CNTN4: variants seen among roughly 807,000 people sequenced by gnomAD.
CNTN4 encodes contactin 4.
Under a neutral mutation model 122.5 loss-of-function variants are expected in CNTN4, and 77 were observed. That is an observed-to-expected ratio of 0.63 (90% CI 0.52 to 0.76). The LOEUF (loss-of-function observed/expected upper bound fraction) is 0.76. Ranked by LOEUF, CNTN4 falls within the 30% of genes least tolerant of loss-of-function variation. The probability of loss-of-function intolerance (pLI) is 0.00; values close to 1 mark genes in which losing one functional copy is unlikely to be tolerated. For missense variants in CNTN4, 1,256 were observed against 1,259.1 expected (o/e 1.00, Z 0.04); for synonymous variants, 512 against 447.0 (o/e 1.15, Z -1.83).
intron 2 of CNTN4, among the ~76,000 whole-genome samples, chr3:2,118,511 C>T (rs1055257028): frequency 6.6e-6 from 1 of 152,136 alleles, no homozygotes; most frequent in Non-Finnish European, 1.5e-5. Flanking sequence ...CAAATATTTG[C>T]ATATGAATGT....
chr3:2,509,515 C>A (rs536582990), intron 3 of CNTN4, among the ~76,000 whole-genome samples: 19 of 152,212 alleles, frequency 1.2e-4, no homozygotes, highest in African/African-American at 3.1e-4. Flanking sequence ...ATATCATTAC[C>A]ATTAACTATT....
chr3:2,925,639 A>G lies in CNTN4; in HGVS notation c.1218A>G (p.Pro406=), dbSNP rs1033799414. 6.2e-7 allele frequency: 1 copy of G among 1,614,042 alleles called. No individual in the cohort carries two copies. The highest frequency in any genetic ancestry group is 1.1e-5 in the South Asian group (1 of 91,074). ...TGTACTGTCTTTCAGCTGTAGGTCCAGATTTTTCAAGAACACTCTTGAAAA... is the reference window on the plus strand; with the variant it reads ...TGTACTGTCTTTCAGCTGTAGGTCCGGATTTTTCAAGAACACTCTTGAAAA... ...NAELSVIAVG[P]DFSRTLLKRV... is the part of the protein sequence containing the mutation. The change falls in exon 13 of 25, where the codon CCA becomes CCG. Residue 406 remains proline (P), a synonymous_variant. Transcript: ENST00000418658.
In CNTN4 at chr3:2,867,159, G is replaced by A. The variant is rs1250620297; in HGVS notation, c.652+210G>A. Among the ~76,000 whole-genome samples, 2 of 152,132 alleles carry A rather than the reference G, an allele frequency of 1.3e-5. 1 individual carries two copies. Among genetic ancestry groups the A allele is most frequent in the Non-Finnish European group, 2.9e-5 (2 of 68,028 alleles). ...TGGAAAACTAATTAGAAATCTAATTGCTAATCTCAACAGGAATAGAATGAG... is the reference window on the plus strand; with the variant it reads ...TGGAAAACTAATTAGAAATCTAATTACTAATCTCAACAGGAATAGAATGAG... On this transcript the variant is annotated intron_variant, in intron 8 of 24. Transcript: ENST00000418658.
intron 4 of CNTN4, among the ~76,000 whole-genome samples, chr3:2,607,207 TGTA>T (rs1448271626): frequency 6.6e-6 from 1 of 152,206 alleles, no homozygotes; most frequent in African/African-American, 2.4e-5. Flanking sequence ...TAGAAATTAT[TGTA>T]GTCATATTGC....
chr3:2,655,626 C>T (rs1157392376), intron 4 of CNTN4, among the ~76,000 whole-genome samples: 1 of 152,148 alleles, frequency 6.6e-6, no homozygotes, highest in Non-Finnish European at 1.5e-5. Context: ...GTCATTGAGT[C>T]ATCTGAAAGT....
At chr3:2,782,245 A>G (rs931546246) in intron 6 of CNTN4, among the ~76,000 whole-genome samples, 1 of 151,674 alleles carries the variant, frequency 6.6e-6, no homozygotes, top group African/African-American at 2.4e-5. Flanking sequence ...CTTTCAGGTT[A>G]CGTTTTAAGA....
At chr3:2,962,214 C>T (rs912075011) in intron 13 of CNTN4, among the ~76,000 whole-genome samples, 85 of 152,128 alleles carry the variant, frequency 5.6e-4, no homozygotes, top group African/African-American at 2.0e-3. Context: ...GAATTATGCC[C>T]CTTAGGGAAT....
chr3:2,309,322 A>C (rs1575336451), intron 2 of CNTN4, among the ~76,000 whole-genome samples: 1 of 152,172 alleles, frequency 6.6e-6, no homozygotes, highest in Admixed American at 6.5e-5. Flanking sequence ...CTGTCTTTTA[A>C]CTTTCAGCCT....
intron 4 of CNTN4, among the ~76,000 whole-genome samples, chr3:2,611,422 G>A (rs1477919731): frequency 1.3e-5 from 2 of 152,000 alleles, no homozygotes; most frequent in Non-Finnish European, 2.9e-5. Flanking sequence ...GACAGGTAAA[G>A]TTGATGGGCC....
At chr3:2,262,677 G>T (rs2040883890) in intron 2 of CNTN4, among the ~76,000 whole-genome samples, 1 of 150,118 alleles carries the variant, frequency 6.7e-6, no homozygotes. Context: ...ACTGTTACTG[G>T]TAACTATCCT....
chr3:2,253,097 C>G (rs938938843), intron 2 of CNTN4, among the ~76,000 whole-genome samples: 2 of 151,798 alleles, frequency 1.3e-5, no homozygotes, highest in African/African-American at 2.4e-5. Context: ...TTCCTGCAAT[C>G]TAGAATTAGT....
At chr3:2,583,068 C>T (rs1433088104) in intron 4 of CNTN4, among the ~76,000 whole-genome samples, 1 of 152,118 alleles carries the variant, frequency 6.6e-6, no homozygotes, top group African/African-American at 2.4e-5. Flanking sequence ...ATATTGTTTC[C>T]ACATGCGTGA....
rs75028989 is a variant in CNTN4 at position 2,498,487 on chromosome 3, T to C, written c.-88-72929T>C. 8.6e-3 allele frequency among the ~76,000 whole-genome samples: 1,253 copies of C among 146,044 alleles called. 19 individuals are homozygous for C. The highest frequency in any genetic ancestry group is 0.029 in the African/African-American group (1,178 of 41,194). On this transcript the variant is annotated intron_variant, in intron 3 of 24. Coordinates refer to ENST00000418658, the MANE Select transcript of CNTN4 (RefSeq NM_175607.3). ...CCATTCTTTTTGTTGTTGTCGTTGT[T>C]GTTGTTGGAGACAGGATCTCGCTTT... is the stretch of plus-strand genomic sequence containing the variant.
At chr3:2,866,730 A>G in intron 7 of CNTN4, 22 bp from the exon 8 acceptor site, 1 of 1,602,368 alleles carries the variant, frequency 6.2e-7, no homozygotes, top group Non-Finnish European at 8.6e-7. Flanking sequence ...CATATTTGTA[A>G]TGAAGATTTT....
intron 3 of CNTN4, among the ~76,000 whole-genome samples, chr3:2,419,257 G>T (rs2047529211): frequency 6.6e-6 from 1 of 152,000 alleles, no homozygotes; most frequent in East Asian, 1.9e-4. Flanking sequence ...AATGAATATA[G>T]GTAACATTCC....
At chr3:2,239,306 T>C (rs1052768718) in intron 2 of CNTN4, among the ~76,000 whole-genome samples, 2 of 152,222 alleles carry the variant, frequency 1.3e-5, no homozygotes, top group Admixed American at 1.3e-4. Flanking sequence ...AAAGGATTAC[T>C]GACCATTTAA....
At chr3:2,900,924 A>T (rs2094165997) in intron 11 of CNTN4, 103 bp downstream of exon 11, 1 of 1,417,124 alleles carries the variant, frequency 7.1e-7, no homozygotes, top group Non-Finnish European at 9.9e-7. Context: ...CTAAAATAAT[A>T]TGCAATGAAA....
intron 3 of CNTN4, among the ~76,000 whole-genome samples, chr3:2,437,554 G>T (rs2048299360): frequency 6.6e-6 from 1 of 151,978 alleles, no homozygotes. Context: ...ATTGAAAAAA[G>T]AAAAACCCTA....
chr3:2,860,390 A>C (rs2093659379), intron 7 of CNTN4, among the ~76,000 whole-genome samples: 1 of 152,124 alleles, frequency 6.6e-6, no homozygotes, highest in Non-Finnish European at 1.5e-5. Context: ...TGCTCTACTC[A>C]GCACTAATAA....
Sources: gnomAD v4.1 joint callset for allele counts (sites outside exome capture counted in the v4.1 genomes callset) on GRCh38, gnomAD v4.1.1 for gene constraint, MANE v1.5 for transcripts, NCBI Gene and HGNC (gene_info 2026-07-23, HGNC 2026-07-21) for gene names.